Variants in BLTP1 observed in about 807,000 individuals in gnomAD.
The protein encoded by BLTP1 is bridge-like lipid transfer protein family member 1.
At chr4:122,209,375 T>A in the BLTP1 span, 1 of 1,600,480 alleles carries the variant, frequency 6.2e-7, no homozygotes, top group Non-Finnish European at 8.5e-7. Flanking sequence ...CCAGGCACAG[T>A]GGCTCACGCC....
chr4:122,205,639 C>G, the BLTP1 span, among the ~76,000 whole-genome samples: 2 of 25,718 alleles, frequency 7.8e-5, no homozygotes, highest in South Asian at 2.7e-3. Context: ...GTTTCCCCCC[C>G]CTTCTCTCTC....
chr4:122,306,248 T>C, the BLTP1 span, among the ~76,000 whole-genome samples: 2 of 152,176 alleles, frequency 1.3e-5, no homozygotes, highest in African/African-American at 4.8e-5. Context: ...TTTTGTCTTC[T>C]GGCTGGATAA....
chr4:122,352,504 C>T, the BLTP1 span, among the ~76,000 whole-genome samples: 4 of 151,838 alleles, frequency 2.6e-5, no homozygotes. Flanking sequence ...GGACTACAGG[C>T]GTGCTCCACC....
At chr4:122,209,475 T>G in the BLTP1 span, 10 of 858,188 alleles carry the variant, frequency 1.2e-5, no homozygotes, top group Non-Finnish European at 1.8e-5. Flanking sequence ...TGAAACCTTG[T>G]CTCTAGTAAA....
the BLTP1 span, chr4:122,250,958 G>T: frequency 3.0e-6 from 3 of 985,270 alleles, no homozygotes; most frequent in Non-Finnish European, 3.6e-6. Flanking sequence ...ATTTTTGTCA[G>T]TGTTTGCTTA....
At chr4:122,197,077 A>C in the BLTP1 span, 1 of 630,166 alleles carries the variant, frequency 1.6e-6, no homozygotes, top group Non-Finnish European at 2.5e-6. Flanking sequence ...TTTTGTTCTT[A>C]GGAACTTGTA....
At chr4:122,313,962 A>T in the BLTP1 span, 1 of 819,068 alleles carries the variant, frequency 1.2e-6, no homozygotes, top group Non-Finnish European at 1.5e-6. Flanking sequence ...ATACTTTTAA[A>T]TTTTTACAAT....
chr4:122,177,743 G>T, the BLTP1 span, among the ~76,000 whole-genome samples: 2 of 152,040 alleles, frequency 1.3e-5, no homozygotes, highest in Admixed American at 6.6e-5. Context: ...TTATTTGCTT[G>T]GTGGTTCTGG....
At chr4:122,179,983 C>T in the BLTP1 span, 1 of 984,740 alleles carries the variant, frequency 1.0e-6, no homozygotes, top group Non-Finnish European at 1.2e-6. Context: ...AAAAGACAGG[C>T]ACTTCTTCCA....
At chr4:122,299,714 G>T in the BLTP1 span, 10 of 787,964 alleles carry the variant, frequency 1.3e-5, no homozygotes, top group African/African-American at 1.1e-4. Flanking sequence ...GGTTGGGGGG[G>T]TGATATTATA....
the BLTP1 span, chr4:122,348,677 A>C: frequency 6.2e-7 from 1 of 1,611,674 alleles, no homozygotes; most frequent in Non-Finnish European, 8.5e-7. Flanking sequence ...GAAGCAATTA[A>C]ACGTTCAAAT....
At chr4:122,255,784 A>G in the BLTP1 span, among the ~76,000 whole-genome samples, 3 of 152,244 alleles carry the variant, frequency 2.0e-5, no homozygotes, top group Admixed American at 1.3e-4. Context: ...ATGTTGGGTA[A>G]GAAATTGCTC....
At chr4:122,305,564 A>G in the BLTP1 span, 2 of 984,960 alleles carry the variant, frequency 2.0e-6, no homozygotes, top group Non-Finnish European at 2.4e-6. Context: ...GAAAAAATGA[A>G]CAAAAATTTC....
the BLTP1 span, chr4:122,362,410 T>C: frequency 3.6e-6 from 2 of 558,086 alleles, no homozygotes; most frequent in Non-Finnish European, 6.2e-6. Context: ...TCATTCTGTG[T>C]ACAGTGAAGT....
At chr4:122,344,537 G>A in the BLTP1 span, 6 of 1,609,474 alleles carry the variant, frequency 3.7e-6, no homozygotes, top group Non-Finnish European at 5.1e-6. Context: ...AAGCAAAATG[G>A]ATACTACGTT....
At chr4:122,301,389 C>G in the BLTP1 span, 1 of 1,580,594 alleles carries the variant, frequency 6.3e-7, no homozygotes. Context: ...CCTAAACTTG[C>G]AGTTCAAGGT....
At chr4:122,166,235 T>G in the BLTP1 span, among the ~76,000 whole-genome samples, 1 of 152,178 alleles carries the variant, frequency 6.6e-6, no homozygotes, top group African/African-American at 2.4e-5. Context: ...TAATCCATCT[T>G]GAATTAATTT....
the BLTP1 span, chr4:122,331,201 CAT>C: frequency 1.4e-6 from 2 of 1,400,722 alleles, no homozygotes; most frequent in South Asian, 1.5e-5. Flanking sequence ...TAAACTCACT[CAT>C]GTGAATTTAC....
chr4:122,280,445 A>G, the BLTP1 span, among the ~76,000 whole-genome samples: 1 of 152,134 alleles, frequency 6.6e-6, no homozygotes, highest in Non-Finnish European at 1.5e-5. Flanking sequence ...TTTATTCCCT[A>G]TGTCTGTAGC....
Sources: gnomAD v4.1 joint callset for allele counts (sites outside exome capture counted in the v4.1 genomes callset) on GRCh38, gnomAD v4.1.1 for gene constraint, MANE v1.5 for transcripts, NCBI Gene and HGNC (gene_info 2026-07-23, HGNC 2026-07-21) for gene names.